The following TNRC18 variants were observed in gnomAD, a reference collection of about 807,000 sequenced individuals.
TNRC18 encodes the protein trinucleotide repeat containing 18.
Under a neutral mutation model 226.7 loss-of-function variants are expected in TNRC18, and 69 were observed. That is an observed-to-expected ratio of 0.30 (90% CI 0.25 to 0.37). TNRC18 has a LOEUF of 0.37. Among genes scored for constraint, TNRC18 ranks in the 10% least tolerant of loss-of-function variants. The pLI, the probability that TNRC18 is intolerant of heterozygous loss-of-function variation, is 1.00. For missense variants in TNRC18, 4,754 were observed against 4,256.6 expected (o/e 1.12, Z -3.25); for synonymous variants, 2,449 against 1,927.6 (o/e 1.27, Z -7.09).
chr7:5,374,967 G>T (rs1171465527), intron 9 of TNRC18, among the ~76,000 whole-genome samples: 2 of 152,120 alleles, frequency 1.3e-5, no homozygotes, highest in Admixed American at 6.5e-5. Context: ...ATGGGAGGGA[G>T]TCAGCTCGGC....
chr7:5,350,234 CG>C (rs1791646313), intron 17 of TNRC18, among the ~76,000 whole-genome samples: 1 of 150,662 alleles, frequency 6.6e-6, no homozygotes, highest in African/African-American at 2.4e-5. Context: ...GCCAGTGGGT[CG>C]GGGGCCTCTC....
At chr7:5,353,028 C>G (rs973855786) in intron 16 of TNRC18, among the ~76,000 whole-genome samples, 2 of 151,524 alleles carry the variant, frequency 1.3e-5, no homozygotes, top group African/African-American at 4.9e-5. Flanking sequence ...CTGCTCCCAC[C>G]AACACCTAAG....
intron 19 of TNRC18, chr7:5,329,854 T>TG: frequency 1.1e-5 from 5 of 466,098 alleles, no homozygotes; most frequent in South Asian, 7.8e-5. Flanking sequence ...TTCCTTCTGT[T>TG]GGAGGCCCAG....
At position 5,376,723 on chromosome 7, in the gene TNRC18, G is replaced by C; in HGVS notation, c.2608+124C>G. On this transcript the variant is annotated intron_variant, in intron 8 of 29. Coordinates refer to ENST00000430969, the MANE Select transcript of TNRC18 (RefSeq NM_001080495.3). The stretch of plus-strand genomic sequence containing the variant: ...CAACAGATGTTCTCTCTGAACCCCG[G>C]TCCGCCTCCCCAGCCCCAGATCTGC... 3 of 1,196,556 alleles carry C rather than the reference G, an allele frequency of 2.5e-6. No individual in the cohort carries two copies. In the South Asian group the frequency reaches 4.4e-5, roughly 18 times the overall value. The allele number at this position is 1,196,556 out of a possible 1,614,324, so 74.1% of individuals were successfully genotyped here.
At chr7:5,334,839 G>A (rs1789924421) in intron 18 of TNRC18, among the ~76,000 whole-genome samples, 1 of 152,160 alleles carries the variant, frequency 6.6e-6, no homozygotes, top group Non-Finnish European at 1.5e-5. Context: ...GGCAGAGAGT[G>A]AAGTCACAGG....
At chr7:5,372,280 T>C (rs1419819820) in intron 10 of TNRC18, among the ~76,000 whole-genome samples, 1 of 151,086 alleles carries the variant, frequency 6.6e-6, no homozygotes, top group Non-Finnish European at 1.5e-5. Flanking sequence ...GGTTTCACCA[T>C]GTTAGCCAGG....
At chr7:5,398,857 C>T (rs534274014) in intron 2 of TNRC18, among the ~76,000 whole-genome samples, 1 of 151,914 alleles carries the variant, frequency 6.6e-6, no homozygotes, top group Non-Finnish European at 1.5e-5. Flanking sequence ...CTCCTGGCCT[C>T]GTGCGATCCT....
chr7:5,418,063 C>T (rs974110911), intron 2 of TNRC18, among the ~76,000 whole-genome samples: 2 of 152,148 alleles, frequency 1.3e-5, no homozygotes, highest in African/African-American at 2.4e-5. Context: ...TATTCATGTA[C>T]CCCTCCAGGG....
At chr7:5,384,682 C>G (rs976865126) in intron 5 of TNRC18, among the ~76,000 whole-genome samples, 11 of 152,280 alleles carry the variant, frequency 7.2e-5, no homozygotes, top group African/African-American at 2.4e-4. Flanking sequence ...CTCCTGCCTC[C>G]CAGGGGGGCC....
chr7:5,374,744 C>T (rs759290137), intron 9 of TNRC18, among the ~76,000 whole-genome samples: 12 of 152,228 alleles, frequency 7.9e-5, no homozygotes, highest in Admixed American at 2.6e-4. Context: ...CGAACCAGGG[C>T]TGATGGGGGA....
At chr7:5,345,526 A>AG in intron 18 of TNRC18, 36 bp downstream of exon 18, 1 of 177,498 alleles carries the variant, frequency 5.6e-6, no homozygotes, top group Non-Finnish European at 1.1e-5. Flanking sequence ...CGCCCCTCCC[A>AG]CCCACCCCCA....
At chr7:5,390,847 TC>T (rs546794492) in intron 3 of TNRC18, among the ~76,000 whole-genome samples, 1 of 150,688 alleles carries the variant, frequency 6.6e-6, no homozygotes, top group Admixed American at 6.6e-5. Flanking sequence ...GGGTCTCCAG[TC>T]CCCCCCAGAA....
intron 18 of TNRC18, among the ~76,000 whole-genome samples, chr7:5,339,701 T>C (rs912320472): frequency 4.0e-5 from 6 of 151,774 alleles, no homozygotes; most frequent in African/African-American, 7.3e-5. Context: ...TCCAGAGTAG[T>C]TGGGATTACA....
At chr7:5,404,346 G>C (rs1456371377) in intron 2 of TNRC18, among the ~76,000 whole-genome samples, 7 of 152,038 alleles carry the variant, frequency 4.6e-5, no homozygotes, top group Non-Finnish European at 1.0e-4. Context: ...ACTCCAGCCT[G>C]GGCGACAGAG....
Position 5,394,140 on chromosome 7 carries a change from C to T in TNRC18, c.343+300G>A, listed in dbSNP as rs185700067. Among the ~76,000 whole-genome samples the T allele has an allele frequency of 3.0e-4, 46 of 152,244 alleles. No homozygotes were observed. Among genetic ancestry groups the T allele is most frequent in the Non-Finnish European group, 4.7e-4 (32 of 68,032 alleles). ...CATGAATGATGAGATAATCTGTCGT[C>T]ACAAGCAAGTGATGGAAGTGGGTGC... On this transcript the variant is annotated intron_variant, in intron 3 of 29. Coordinates refer to ENST00000430969, the MANE Select transcript of TNRC18 (RefSeq NM_001080495.3). This position sits in a 1 kb window ranked among gnomAD's most constrained non-coding sequence, Gnocchi z 4.5.
At chr7:5,399,970 G>C (rs573832595) in intron 2 of TNRC18, among the ~76,000 whole-genome samples, 2 of 151,746 alleles carry the variant, frequency 1.3e-5, no homozygotes, top group Non-Finnish European at 2.9e-5. Context: ...ACTCACTGCA[G>C]CCTCAACCTC....
In TNRC18 at chr7:5,388,602, C is replaced by A; in HGVS notation, c.1222G>T (p.Gly408Trp). 1 of 1,295,858 alleles carries A rather than the reference C, an allele frequency of 7.7e-7. No individual in the cohort carries two copies. Among genetic ancestry groups the A allele is most frequent in the Non-Finnish European group, 9.8e-7 (1 of 1,022,036 alleles). 80.3% of individuals were successfully genotyped at this position (1,295,858 alleles called of 1,614,324 possible). The change falls in exon 5 of 30, where the codon GGG (glycine) becomes TGG (tryptophan). Residue 408 changes from glycine (G) to tryptophan (W), a missense_variant. Transcript: ENST00000430969. Reference protein sequence around the residue: ...RAREREAGRPGVLQAPPGSPR... With the variant: ...RAREREAGRPWVLQAPPGSPR... ...GAGCCGGGGGGCGCCTGCAGGACCC[C>A]TGGCCTGCCAGCCTCGCGCTCGCGG...
intron 19 of TNRC18, among the ~76,000 whole-genome samples, chr7:5,331,237 G>A (rs1008889717): frequency 1.3e-5 from 2 of 152,108 alleles, no homozygotes; most frequent in African/African-American, 4.8e-5. Flanking sequence ...TATTTTGACA[G>A]AATACCGTCA....
In TNRC18 at chr7:5,377,332, C is replaced by CCCCAA; in HGVS notation, c.2461+38_2461+39insTTGGG. On this transcript the variant is annotated intron_variant, in intron 7 of 29. Transcript: ENST00000430969. The surrounding 1 kb of genome is among the most constrained non-coding windows in gnomAD (Gnocchi z 5.8). ...CCTGCACCCGCCCCCTCCCACCCCT[C>CCCCAA]CCTCAGAGAAGGGGAGAGACCCTGT... 1 of 985,884 alleles carries CCCCAA rather than the reference C, an allele frequency of 1.0e-6. No homozygotes were observed. Among genetic ancestry groups the CCCCAA allele is most frequent in the Non-Finnish European group, 1.5e-6 (1 of 673,538 alleles). 61.1% of individuals were successfully genotyped at this position (985,884 alleles called of 1,614,324 possible). A position where few individuals can be genotyped will look rare whatever the true frequency, so the allele number is the denominator to read the frequency against.
Sources: gnomAD v4.1 joint callset for allele counts (sites outside exome capture counted in the v4.1 genomes callset) on GRCh38, gnomAD v4.1.1 for gene constraint, Gnocchi (gnomAD v3.1) non-coding constraint, MANE v1.5 for transcripts, NCBI Gene and HGNC (gene_info 2026-07-23, HGNC 2026-07-21) for gene names.